Variants in TNS3 observed in about 807,000 individuals in gnomAD.
TNS3 encodes tensin-3.
A neutral mutation model predicts 140.9 loss-of-function variants in TNS3; 45 were observed. The observed-to-expected ratio is 0.32, with a 90% CI of 0.25 to 0.41. The LOEUF (loss-of-function observed/expected upper bound fraction) is 0.41. Among genes scored for constraint, TNS3 ranks in the 10% least tolerant of loss-of-function variants. TNS3 has a pLI of 1.00. For missense variants in TNS3, 1,716 were observed against 1,906.7 expected (o/e 0.90, Z 1.86); for synonymous variants, 815 against 788.4 (o/e 1.03, Z -0.56).
rs1176704240 is a variant in TNS3 at position 47,363,100 on chromosome 7, C to CCAT, written c.2281+5262_2281+5264dup. 5.5e-3 allele frequency among the ~76,000 whole-genome samples: 797 copies of CCAT among 145,566 alleles called. 10 individuals are homozygous for CCAT. Among genetic ancestry groups the CCAT allele is most frequent in the African/African-American group, 0.02 (722 of 36,122 alleles). On this transcript the variant is annotated intron_variant, in intron 17 of 30. Coordinates refer to ENST00000311160, the MANE Select transcript of TNS3 (RefSeq NM_022748.12). ...ACCACCATCAATATCACAGTCATCA[C>CCAT]CATCATCATCATCATCATCATCACC...
intron 1 of TNS3, among the ~76,000 whole-genome samples, chr7:47,530,838 A>AAAAAAAATATATATATATAT: frequency 1.8e-5 from 1 of 54,562 alleles, no homozygotes; most frequent in African/African-American, 7.9e-5. Context: ...AAAAAAAAAA[A>AAAAAAAATATATATATATAT]ATATATATAT....
chr7:47,576,386 T>G (rs151170677), intron 1 of TNS3, among the ~76,000 whole-genome samples: 3 of 152,166 alleles, frequency 2.0e-5, no homozygotes, highest in Non-Finnish European at 4.4e-5. Flanking sequence ...AGGTGACAAA[T>G]GACAAACACA....
Position 47,304,831 on chromosome 7 carries a change from C to A in TNS3, c.2822+1G>T. ...CCAAGTTTAAAGATCCATCTTCTTA[C>A]CTCTCTCTCCTCTGCCCAGGGCCGT... On this transcript the variant is annotated splice_donor_variant, in intron 21 of 30. Transcript: ENST00000311160. LOFTEE classifies it high-confidence loss of function. The A allele has an allele frequency of 7.4e-7, 1 of 1,354,582 alleles. No homozygotes were observed. Among genetic ancestry groups the A allele is most frequent in the Non-Finnish European group, 9.6e-7 (1 of 1,043,342 alleles). The allele number at this position is 1,354,582 out of a possible 1,614,324, so 83.9% of individuals were successfully genotyped here. A position where few individuals can be genotyped will look rare whatever the true frequency, so the allele number is the denominator to read the frequency against.
chr7:47,485,108 C>T (rs1431457534), intron 3 of TNS3, among the ~76,000 whole-genome samples: 1 of 152,160 alleles, frequency 6.6e-6, no homozygotes, highest in Non-Finnish European at 1.5e-5. Flanking sequence ...GGGATGTGTG[C>T]GGTGGCATGG....
intron 3 of TNS3, among the ~76,000 whole-genome samples, chr7:47,499,885 A>G (rs1341695076): frequency 2.6e-5 from 4 of 151,976 alleles, no homozygotes; most frequent in Non-Finnish European, 5.9e-5. Flanking sequence ...ATTCTAACAA[A>G]TGTGCTGTTC....
At chr7:47,563,673 G>T (rs899181543) in intron 1 of TNS3, among the ~76,000 whole-genome samples, 6 of 152,206 alleles carry the variant, frequency 3.9e-5, no homozygotes, top group Non-Finnish European at 7.3e-5. Context: ...TCTCATGACA[G>T]CCCTGGGTTG....
chr7:47,481,764 G>A (rs1338620290), intron 3 of TNS3: 43 of 949,426 alleles, frequency 4.5e-5, no homozygotes, highest in Middle Eastern at 5.3e-4. Flanking sequence ...GAGGCAAGGT[G>A]GCTCAAACAC....
intron 8 of TNS3, among the ~76,000 whole-genome samples, chr7:47,434,090 G>A (rs752908769): frequency 6.6e-6 from 1 of 152,088 alleles, no homozygotes; most frequent in African/African-American, 2.4e-5. Flanking sequence ...CTAGAGAGAA[G>A]CAAATAACAT....
At chr7:47,569,254 C>T (rs1434794665) in intron 1 of TNS3, among the ~76,000 whole-genome samples, 2 of 152,208 alleles carry the variant, frequency 1.3e-5, no homozygotes, top group Non-Finnish European at 2.9e-5. Context: ...TTAAATATTA[C>T]ACAAGGGTCC....
At chr7:47,289,389 C>T (rs1478695087) in intron 27 of TNS3, among the ~76,000 whole-genome samples, 1 of 152,084 alleles carries the variant, frequency 6.6e-6, no homozygotes, top group Non-Finnish European at 1.5e-5. Flanking sequence ...GTCAGCAGTC[C>T]CCACTGTCCT....
chr7:47,569,940 A>G (rs1226472386), intron 1 of TNS3, among the ~76,000 whole-genome samples: 1 of 151,876 alleles, frequency 6.6e-6, no homozygotes, highest in African/African-American at 2.4e-5. Flanking sequence ...CCTGAGGTCA[A>G]GAGTTCCAGA....
chr7:47,480,246 C>T (rs971482470), intron 4 of TNS3, among the ~76,000 whole-genome samples: 2 of 152,240 alleles, frequency 1.3e-5, no homozygotes, highest in African/African-American at 4.8e-5. Context: ...GAAAGCCCTG[C>T]CCTACTTGAG....
intron 16 of TNS3, among the ~76,000 whole-genome samples, chr7:47,380,212 C>T (rs1304074551): frequency 6.6e-6 from 1 of 152,254 alleles, no homozygotes; most frequent in Non-Finnish European, 1.5e-5. Context: ...CAGGGCAGGC[C>T]AGGGCGGCTC....
chr7:47,347,523 G>C (rs971500379), intron 17 of TNS3, among the ~76,000 whole-genome samples: 1 of 151,946 alleles, frequency 6.6e-6, no homozygotes, highest in Non-Finnish European at 1.5e-5. Context: ...TGCAGCATGG[G>C]GGGGCTCCAC....
intron 16 of TNS3, among the ~76,000 whole-genome samples, chr7:47,389,109 C>T (rs368875573): frequency 1.7e-5 from 1 of 59,078 alleles, no homozygotes; most frequent in Non-Finnish European, 3.6e-5. Flanking sequence ...GAAGCGGAAG[C>T]AGAAGAAGAA....
chr7:47,539,883 G>A (rs1025051303), intron 1 of TNS3, among the ~76,000 whole-genome samples: 22 of 152,178 alleles, frequency 1.4e-4, no homozygotes, highest in African/African-American at 5.3e-4. Context: ...TTCACTGCCT[G>A]TCTCAGACCA....
intron 2 of TNS3, among the ~76,000 whole-genome samples, chr7:47,525,390 T>G (rs1158930014): frequency 6.6e-6 from 1 of 152,192 alleles, no homozygotes. Flanking sequence ...TAAACCATTA[T>G]CTGGAGACAG....
chr7:47,325,233 C>T (rs938890133), intron 20 of TNS3, among the ~76,000 whole-genome samples: 11 of 152,202 alleles, frequency 7.2e-5, no homozygotes, highest in African/African-American at 2.7e-4. Flanking sequence ...GCTTTTCTAT[C>T]TGTACTTGGT....
At chr7:47,465,729 A>C (rs1796683499) in intron 4 of TNS3, among the ~76,000 whole-genome samples, 1 of 152,114 alleles carries the variant, frequency 6.6e-6, no homozygotes, top group South Asian at 2.1e-4. Context: ...GTTCGAGACA[A>C]GCCTGACCAA....
Sources: allele counts gnomAD v4.1 joint callset (sites outside exome capture counted in the v4.1 genomes callset), GRCh38; gene constraint gnomAD v4.1.1; transcripts MANE v1.5; gene names NCBI Gene and HGNC (gene_info 2026-07-23, HGNC 2026-07-21).